The following ADGRB3 variants were observed in gnomAD, a reference collection of about 807,000 sequenced individuals.
ADGRB3 encodes brain-specific angiogenesis inhibitor 3.
Under a neutral mutation model 193.4 loss-of-function variants are expected in ADGRB3, and 37 were observed. The ratio of observed to expected loss-of-function variants is 0.19; its 90% CI spans 0.15 to 0.25. ADGRB3 has a LOEUF of 0.25. ADGRB3 is among the 10% of genes least tolerant of loss of function. The pLI is 1.00. For missense variants in ADGRB3, 1,637 were observed against 1,852.9 expected, an observed-to-expected ratio of 0.88 and a Z score of 2.14; for synonymous variants, 690 against 644.2, an observed-to-expected ratio of 1.07 and a Z score of -1.08.
chr6:68,871,154 T>C (rs510835), intron 3 of ADGRB3, among the ~76,000 whole-genome samples: 47,645 of 152,114 alleles, frequency 0.31, 8,104 homozygotes, highest in East Asian at 0.59. Flanking sequence ...AAAAGAATTG[T>C]TTTATTCTTA....
At position 68,815,500 on chromosome 6, in the gene ADGRB3, G is replaced by C. The variant is rs1387697672; in HGVS notation, c.758-115059G>C. On this transcript the variant is annotated intron_variant, in intron 3 of 31. Transcript: ENST00000370598. ...CCTTATTATTAACATCCCAAAGGGA[G>C]AATTTATTATCTTAATATAATTTTT... Among the ~76,000 whole-genome samples the C allele has an allele frequency of 3.3e-5, 5 of 152,062 alleles. No homozygotes were observed. In the East Asian group the frequency reaches 9.7e-4, roughly 29 times the overall value.
chr6:69,232,353 C>A (rs1766162099), intron 17 of ADGRB3: 2 of 1,320,226 alleles, frequency 1.5e-6, no homozygotes, highest in East Asian at 2.8e-5. Flanking sequence ...CCACCACGAA[C>A]AAGACGTAGG....
At chr6:68,923,572 A>C (rs1189847307) in intron 3 of ADGRB3, among the ~76,000 whole-genome samples, 2 of 152,148 alleles carry the variant, frequency 1.3e-5, no homozygotes, top group African/African-American at 4.8e-5. Context: ...ATAATGTACA[A>C]ATTATTTTAT....
chr6:69,377,772 C>T (rs1769862300), intron 30 of ADGRB3, among the ~76,000 whole-genome samples: 1 of 152,074 alleles, frequency 6.6e-6, no homozygotes, highest in African/African-American at 2.4e-5. Flanking sequence ...AGCATCAACT[C>T]TGTGATTCAC....
intron 26 of ADGRB3, among the ~76,000 whole-genome samples, chr6:69,346,966 C>T (rs945881981): frequency 9.2e-5 from 14 of 152,172 alleles, no homozygotes; most frequent in Admixed American, 6.5e-4. Flanking sequence ...CCCAAATGCC[C>T]ATCAATGATA....
chr6:69,304,091 T>G (rs1006959061), intron 20 of ADGRB3, among the ~76,000 whole-genome samples: 1 of 148,540 alleles, frequency 6.7e-6, no homozygotes, highest in African/African-American at 2.6e-5. Flanking sequence ...AATACAAGGG[T>G]TTTTTTTAAA....
At chr6:68,709,157 G>T (rs1312215768) in intron 3 of ADGRB3, among the ~76,000 whole-genome samples, 1 of 152,136 alleles carries the variant, frequency 6.6e-6, no homozygotes, top group Non-Finnish European at 1.5e-5. Flanking sequence ...TGAAGCAAAT[G>T]AGATGTTATT....
chr6:68,886,176 A>G (rs910907714), intron 3 of ADGRB3, among the ~76,000 whole-genome samples: 1 of 152,050 alleles, frequency 6.6e-6, no homozygotes, highest in Non-Finnish European at 1.5e-5. Flanking sequence ...CTGTATCTCC[A>G]CTGTTGTCAA....
chr6:68,896,169 C>T (rs1177707617), intron 3 of ADGRB3, among the ~76,000 whole-genome samples: 1 of 152,070 alleles, frequency 6.6e-6, no homozygotes, highest in Admixed American at 6.6e-5. Context: ...AGTTAGACTT[C>T]TCTTAGAACT....
chr6:68,967,793 A>C (rs1768426561), intron 8 of ADGRB3, among the ~76,000 whole-genome samples: 1 of 152,160 alleles, frequency 6.6e-6, no homozygotes, highest in South Asian at 2.1e-4. Flanking sequence ...AAGGAGAGGA[A>C]GGGGTGGGAG....
intron 17 of ADGRB3, among the ~76,000 whole-genome samples, chr6:69,112,525 C>T (rs1773395496): frequency 6.6e-6 from 1 of 152,060 alleles, no homozygotes; most frequent in South Asian, 2.1e-4. Flanking sequence ...GCACATTTCT[C>T]CATGTTTCTA....
chr6:68,850,956 C>A (rs762533102), intron 3 of ADGRB3, among the ~76,000 whole-genome samples: 3 of 151,954 alleles, frequency 2.0e-5, no homozygotes, highest in Non-Finnish European at 4.4e-5. Flanking sequence ...CACATTTGAG[C>A]TCATTTTTGA....
At chr6:68,943,640 T>A (rs924590618) in intron 5 of ADGRB3, among the ~76,000 whole-genome samples, 190 bp from the exon 6 acceptor site, 23 of 152,154 alleles carry the variant, frequency 1.5e-4, no homozygotes, top group African/African-American at 5.5e-4. Context: ...CACATGCAAT[T>A]TTTCATTATT....
chr6:68,790,601 A>G (rs1767083519), intron 3 of ADGRB3, among the ~76,000 whole-genome samples: 1 of 152,164 alleles, frequency 6.6e-6, no homozygotes, highest in Non-Finnish European at 1.5e-5. Context: ...TTCCAGAGGA[A>G]CGATCAGGCA....
chr6:69,012,298 A>AT (rs1333997906), intron 11 of ADGRB3, among the ~76,000 whole-genome samples: 7 of 151,994 alleles, frequency 4.6e-5, no homozygotes, highest in African/African-American at 1.7e-4. Context: ...TAGCAGCAGC[A>AT]TGCATTTTGT....
At chr6:68,911,298 A>C (rs556060494) in intron 3 of ADGRB3, among the ~76,000 whole-genome samples, 1 of 151,860 alleles carries the variant, frequency 6.6e-6, no homozygotes, top group South Asian at 2.1e-4. Flanking sequence ...GGCTAGCATT[A>C]GGAGATATAC....
At chr6:68,902,315 A>G (rs957917472) in intron 3 of ADGRB3, among the ~76,000 whole-genome samples, 4 of 152,144 alleles carry the variant, frequency 2.6e-5, no homozygotes, top group Non-Finnish European at 5.9e-5. Context: ...TTAAGACAAT[A>G]AATCAAGCCA....
chr6:69,350,400 T>C (rs1055070281), intron 26 of ADGRB3, among the ~76,000 whole-genome samples: 5 of 152,122 alleles, frequency 3.3e-5, no homozygotes, highest in African/African-American at 1.2e-4. Flanking sequence ...CTGCAGATAT[T>C]TGACCCTCTG....
intron 8 of ADGRB3, among the ~76,000 whole-genome samples, chr6:68,963,791 C>G (rs1392330580): frequency 6.6e-6 from 1 of 152,052 alleles, no homozygotes; most frequent in Non-Finnish European, 1.5e-5. Context: ...CATAAGTGTT[C>G]TTTCTTCTTT....
Sources: allele counts gnomAD v4.1 joint callset (sites outside exome capture counted in the v4.1 genomes callset), GRCh38; gene constraint gnomAD v4.1.1; transcripts MANE v1.5; gene names NCBI Gene and HGNC (gene_info 2026-07-23, HGNC 2026-07-21).